The following LOX variants were observed in gnomAD, a reference collection of about 807,000 sequenced individuals.
LOX encodes lysyl oxidase.
Under a neutral mutation model 50.5 loss-of-function variants are expected in LOX, and 12 were observed. That is an observed-to-expected ratio of 0.24 (90% CI 0.15 to 0.38). The LOEUF is 0.38. Among genes scored for constraint, LOX ranks in the 10% least tolerant of loss-of-function variants. LOX has a pLI of 1.00. For missense variants in LOX, 504 were observed against 563.8 expected, an observed-to-expected ratio of 0.89 and a Z score of 1.07; for synonymous variants, 254 against 230.6, an observed-to-expected ratio of 1.10 and a Z score of -0.92.
At chr5:122,076,577 T>C (rs1754641448) in intron 2 of LOX, among the ~76,000 whole-genome samples, 1 of 152,220 alleles carries the variant, frequency 6.6e-6, no homozygotes, top group African/African-American at 2.4e-5. Context: ...ATAGTTGTTT[T>C]ATGAAAAGTG....
At chr5:122,074,463 T>C (rs1754555390) in intron 3 of LOX, among the ~76,000 whole-genome samples, 2 of 152,224 alleles carry the variant, frequency 1.3e-5, no homozygotes, top group South Asian at 4.1e-4. Context: ...CAATAAATTA[T>C]CTGTGCTTAA....
In LOX at chr5:122,075,493, G is replaced by C; in HGVS notation, c.789C>G (p.Leu263=). The change falls in exon 3 of 7, where the codon CTC becomes CTG. Residue 263 remains leucine (L), a synonymous_variant. Coordinates refer to ENST00000231004, the MANE Select transcript of LOX (RefSeq NM_002317.7). Reference sequence around the variant, plus strand: ...GGTTTTTCACTCTTTGGGGAAATCTGAGCAGCACCCTGTGATCATAATCTC... The same window carrying C: ...GGTTTTTCACTCTTTGGGGAAATCTCAGCAGCACCCTGTGATCATAATCTC... ...DVRDYDHRVL[L]RFPQRVKNQG... is the part of the protein sequence containing the mutation. The C allele has an allele frequency of 3.1e-6, 5 of 1,613,276 alleles. No homozygotes were observed. Among genetic ancestry groups the C allele is most frequent in the Non-Finnish European group, 4.2e-6 (5 of 1,179,480 alleles).
Position 122,065,370 on chromosome 5 carries a change from T to C in LOX, c.*1373A>G, listed in dbSNP as rs1025092289. 5 of 152,130 alleles carry C rather than the reference T, an allele frequency of 3.3e-5. No individual in the cohort carries two copies. The highest frequency in any genetic ancestry group is 6.6e-5 in the Admixed American group (1 of 15,254). 9.4% of individuals were successfully genotyped at this position (152,130 alleles called of 1,614,324 possible). ...CTTGAGATTTTAATACTGGTTAATA[T>C]AGGAAAAATTATGCTTAAGCACCAC... On this transcript the variant is annotated 3_prime_UTR_variant, in exon 7 of 7. Coordinates refer to ENST00000231004, the MANE Select transcript of LOX (RefSeq NM_002317.7).
rs757597953 is a variant in LOX at position 122,077,466 on chromosome 5, G to A, written c.520C>T (p.Pro174Ser). 1.2e-6 allele frequency: 2 copies of A among 1,614,060 alleles called. No homozygotes were observed. The highest frequency in any genetic ancestry group is 2.2e-5 in the South Asian group (2 of 91,084). ...GGGTTGTCGTCAGAGTACTTGTAGG[G>A]GTTGTAAGGGTCGTCGCCCACCATG... is the stretch of plus-strand genomic sequence containing the variant. ...DGMVGDDPYN[P>S]YKYSDDNPYY... The change falls in exon 1 of 7, where the codon CCC (proline) becomes TCC (serine). Residue 174 changes from proline (P) to serine (S), a missense_variant. Pro to Ser is a moderately conservative substitution (Grantham distance 74). Around this residue, in one of 2 missense-constraint regions of LOX, gnomAD observed 398 missense variants for 365.8 expected, o/e 1.09. Coordinates refer to ENST00000231004, the MANE Select transcript of LOX (RefSeq NM_002317.7). This position sits in a 1 kb window ranked among gnomAD's most constrained non-coding sequence, Gnocchi z 4.9.
In LOX at chr5:122,077,606, G is replaced by A; in HGVS notation, c.380C>T (p.Ala127Val). The A allele has an allele frequency of 1.2e-6, 2 of 1,612,412 alleles. No homozygotes were observed. The highest frequency in any genetic ancestry group is 1.7e-6 in the Non-Finnish European group (2 of 1,179,796). ...GCGGGCTCTAGATGTCGAGTAGCCA[G>A]CTTGGAACCAGTGACGGGCGGTGGG... ...PRPTARHWFQ[A>V]GYSTSRAREA... Residue 127 changes from alanine (A) to valine (V), a missense_variant, in exon 1 of 7, where the codon GCT (alanine) becomes GTT (valine). By Grantham distance (64) the Ala-to-Val change is moderately conservative (BLOSUM62 0). Transcript: ENST00000231004. This position sits in a 1 kb window ranked among gnomAD's most constrained non-coding sequence, Gnocchi z 4.9.
At position 122,077,071 on chromosome 5, in the gene LOX, T is replaced by G; in HGVS notation, c.632-70A>C. 6.3e-7 allele frequency: 1 copy of G among 1,585,074 alleles called. No individual in the cohort carries two copies. The highest frequency in any genetic ancestry group is 1.1e-5 in the South Asian group (1 of 89,118). ...GCCCCCCGCTCCAACTCCCTACCCC[T>G]CTAGGTCCCTTACTCCTCACCCTTC... is the stretch of plus-strand genomic sequence containing the variant. On this transcript the variant is annotated intron_variant, in intron 1 of 6. Transcript: ENST00000231004. The surrounding 1 kb of genome is among the most constrained non-coding windows in gnomAD (Gnocchi z 4.9).
intron 2 of LOX, 62 bp from the exon 3 acceptor site, chr5:122,075,603 C>G (rs1482695668): frequency 1.5e-5 from 17 of 1,115,132 alleles, no homozygotes; most frequent in Non-Finnish European, 2.2e-5. Context: ...GACAAAACTA[C>G]AAATAAAACA....
chr5:122,069,588 A>G (rs1202471212), intron 6 of LOX, among the ~76,000 whole-genome samples: 1 of 152,122 alleles, frequency 6.6e-6, no homozygotes, highest in African/African-American at 2.4e-5. Context: ...ACTCAAATAT[A>G]TGACATCTTG....
In LOX at chr5:122,070,042, A is replaced by G. The variant is rs1754405102; in HGVS notation, c.1247+11T>C. ...TGACAACAATTACTTAGCTAAGCAAATAACACTTACGGTGAAATTGTGCAG... is the reference window on the plus strand; with the variant it reads ...TGACAACAATTACTTAGCTAAGCAAGTAACACTTACGGTGAAATTGTGCAG... On this transcript the variant is annotated intron_variant, in intron 6 of 6. Coordinates refer to ENST00000231004, the MANE Select transcript of LOX (RefSeq NM_002317.7). 1.3e-6 allele frequency: 2 copies of G among 1,580,172 alleles called. No homozygotes were observed. The highest frequency in any genetic ancestry group is 2.7e-5 in the African/African-American group (2 of 74,204).
chr5:122,069,260 G>A (rs1021365894), intron 6 of LOX, among the ~76,000 whole-genome samples: 1 of 152,122 alleles, frequency 6.6e-6, no homozygotes, highest in Non-Finnish European at 1.5e-5. Context: ...AAGCAAAGCT[G>A]ATGAGTGTTG....
Position 122,075,492 on chromosome 5 carries a change from T to C in LOX, c.790A>G (p.Arg264Gly). The C allele has an allele frequency of 6.2e-7, 1 of 1,613,448 alleles. No homozygotes were observed. The highest frequency in any genetic ancestry group is 8.5e-7 in the Non-Finnish European group (1 of 1,179,534). The change falls in exon 3 of 7, where the codon AGA (arginine) becomes GGA (glycine). Residue 264 changes from arginine (R) to glycine (G), a missense_variant. Arg to Gly is a moderately radical substitution (Grantham distance 125, BLOSUM62 -2). Coordinates refer to ENST00000231004, the MANE Select transcript of LOX (RefSeq NM_002317.7). ...TGGTTTTTCACTCTTTGGGGAAATC[T>C]GAGCAGCACCCTGTGATCATAATCT... The part of the protein sequence containing the change: ...VRDYDHRVLL[R>G]FPQRVKNQGT...
chr5:122,075,409 A>G lies in LOX; in HGVS notation c.873T>C (p.Cys291=), dbSNP rs1018991331. ...CAGGAGGCCCATTTACTTACTGATG[A>G]CAACTGTGCCATTCCCAGGAATATC... ...RPRYSWEWHS[C]HQHYHSMDEF... Residue 291 remains cysteine, a synonymous_variant, in exon 3 of 7, where the codon TGT becomes TGC. Coordinates refer to ENST00000231004, the MANE Select transcript of LOX (RefSeq NM_002317.7). 3.7e-6 allele frequency: 6 copies of G among 1,608,746 alleles called. No homozygotes were observed. Among genetic ancestry groups the G allele is most frequent in the African/African-American group, 1.3e-5 (1 of 74,718 alleles).
chr5:122,067,826 C>T (rs550795713), intron 6 of LOX, among the ~76,000 whole-genome samples: 2 of 152,148 alleles, frequency 1.3e-5, no homozygotes, highest in East Asian at 1.9e-4. Flanking sequence ...TTCCTTAATG[C>T]TCCCCGGTGC....
chr5:122,076,762 CGTCCCACTTCCCAGCTCTT>C, intron 2 of LOX, 112 bp downstream of exon 2: 14 of 706,148 alleles, frequency 2.0e-5, no homozygotes, highest in South Asian at 1.9e-4. Context: ...CAGGAGGTCA[CGTCCCACTTCCCAGCTCTT>C]GTCCCACTTC....
Position 122,066,001 on chromosome 5 carries a change from A to T in LOX, c.*742T>A, listed in dbSNP as rs1028246799. Reference sequence around the variant, plus strand: ...ACATCTCTGCCCATGGGAAAGATAAAATGATAGAGGGCAGCCTCAAGAAAT... The same window carrying T: ...ACATCTCTGCCCATGGGAAAGATAATATGATAGAGGGCAGCCTCAAGAAAT... On this transcript the variant is annotated 3_prime_UTR_variant, in exon 7 of 7. Coordinates refer to ENST00000231004, the MANE Select transcript of LOX (RefSeq NM_002317.7). 2.0e-5 allele frequency: 3 copies of T among 152,066 alleles called. No individual in the cohort carries two copies. Among genetic ancestry groups the T allele is most frequent in the Admixed American group, 6.6e-5 (1 of 15,240 alleles). 9.4% of individuals were successfully genotyped at this position (152,066 alleles called of 1,614,324 possible). A position where few individuals can be genotyped will look rare whatever the true frequency, so the allele number is the denominator to read the frequency against.
chr5:122,077,403 G>T lies in LOX; in HGVS notation c.583C>A (p.Pro195Thr), dbSNP rs1210661916. Residue 195 changes from proline to threonine, a missense_variant, in exon 1 of 7, where the codon CCT (proline) becomes ACT (threonine). Around this residue, in one of 2 missense-constraint regions of LOX, gnomAD observed 398 missense variants for 365.8 expected, o/e 1.09. Transcript: ENST00000231004. The surrounding 1 kb of genome is among the most constrained non-coding windows in gnomAD (Gnocchi z 4.9). ...NYYDTYERPR[P>T]GGRYRPGYGT... ...TATCCGGGCCGGTACCTGCCCCCAG[G>T]TCTGGGCCTTTCATAAGTATCGTAG... 6.2e-7 allele frequency: 1 copy of T among 1,614,100 alleles called. No homozygotes were observed. Among genetic ancestry groups the T allele is most frequent in the Non-Finnish European group, 8.5e-7 (1 of 1,180,006 alleles).
At chr5:122,075,620 A>T in intron 2 of LOX, 79 bp from the exon 3 acceptor site, 1 of 924,998 alleles carries the variant, frequency 1.1e-6, no homozygotes, top group Non-Finnish European at 1.6e-6. Context: ...AACATCCATT[A>T]TATAGTAGTG....
intron 6 of LOX, among the ~76,000 whole-genome samples, chr5:122,068,716 G>A (rs1396629559): frequency 6.6e-6 from 1 of 151,958 alleles, no homozygotes; most frequent in Non-Finnish European, 1.5e-5. Flanking sequence ...AGTGTAATAA[G>A]GCTACAGCAG....
intron 3 of LOX, among the ~76,000 whole-genome samples, chr5:122,075,161 T>G (rs1436496393): frequency 6.6e-6 from 1 of 152,256 alleles, no homozygotes; most frequent in Admixed American, 6.5e-5. Flanking sequence ...GTAAATTTTA[T>G]TGAAGTCAAT....
Sources: allele counts gnomAD v4.1 joint callset (sites outside exome capture counted in the v4.1 genomes callset), GRCh38; gene constraint gnomAD v4.1.1; regional missense constraint gnomAD v4.1.1; non-coding constraint Gnocchi (gnomAD v3.1); transcripts MANE v1.5; gene names NCBI Gene and HGNC (gene_info 2026-07-23, HGNC 2026-07-21).